Variants in EPB41 observed in about 807,000 individuals in gnomAD.
EPB41 encodes protein 4.1.
A neutral mutation model predicts 108.0 loss-of-function variants in EPB41; 65 were observed. The ratio of observed to expected loss-of-function variants is 0.60; its 90% CI spans 0.49 to 0.74. The LOEUF (loss-of-function observed/expected upper bound fraction) is 0.74. EPB41 is among the 30% of genes least tolerant of loss of function. The pLI, the probability that EPB41 is intolerant of heterozygous loss-of-function variation, is 0.00. For missense variants in EPB41, 875 were observed against 1,037.0 expected (o/e 0.84, Z 2.15); for synonymous variants, 336 against 358.9 (o/e 0.94, Z 0.72).
chr1:29,062,099 G>A (rs768072790), intron 15 of EPB41, among the ~76,000 whole-genome samples: 2 of 152,058 alleles, frequency 1.3e-5, no homozygotes, highest in African/African-American at 2.4e-5. Context: ...GAAGTTTTTC[G>A]AGGCTGGACC....
chr1:29,080,935 C>A (rs1376891825), intron 16 of EPB41, among the ~76,000 whole-genome samples: 2 of 152,112 alleles, frequency 1.3e-5, no homozygotes, highest in Non-Finnish European at 2.9e-5. Context: ...ATTCTGGTTG[C>A]TACTAATCAT....
intron 1 of EPB41, among the ~76,000 whole-genome samples, chr1:28,894,012 C>T (rs1169862384): frequency 6.6e-6 from 1 of 152,178 alleles, no homozygotes; most frequent in African/African-American, 2.4e-5. Context: ...CAATTAAACA[C>T]ACTGGGTGCT....
chr1:29,015,864 C>T, intron 6 of EPB41, 97 bp downstream of exon 6: 1 of 832,256 alleles, frequency 1.2e-6, no homozygotes, highest in South Asian at 1.5e-5. Flanking sequence ...ATTCCGTATT[C>T]AGAACTGAAG....
intron 7 of EPB41, among the ~76,000 whole-genome samples, chr1:29,027,251 C>G (rs181154708): frequency 6.6e-6 from 1 of 152,286 alleles, no homozygotes; most frequent in South Asian, 2.1e-4. Context: ...CTACCTGCCT[C>G]AGCCTCCCAA....
intron 4 of EPB41, among the ~76,000 whole-genome samples, chr1:29,007,246 A>G (rs1176022568): frequency 2.0e-5 from 3 of 151,952 alleles, no homozygotes; most frequent in African/African-American, 4.8e-5. Flanking sequence ...ATAATATTTC[A>G]TTGCTTGACT....
At chr1:29,072,093 T>C (rs1328162441) in intron 16 of EPB41, 1 of 152,220 alleles carries the variant, frequency 6.6e-6, no homozygotes, top group African/African-American at 2.4e-5. Context: ...ATTATAGGCT[T>C]TCCCAAGAAA....
At chr1:28,997,719 A>G (rs2096213606) in intron 4 of EPB41, among the ~76,000 whole-genome samples, 3 of 151,918 alleles carry the variant, frequency 2.0e-5, no homozygotes, top group Admixed American at 2.0e-4. Flanking sequence ...TATCATAATT[A>G]AATATAATTA....
intron 16 of EPB41, among the ~76,000 whole-genome samples, chr1:29,093,787 C>T (rs1037435254): frequency 1.3e-5 from 2 of 152,178 alleles, no homozygotes; most frequent in African/African-American, 4.8e-5. Context: ...CACCTGTAGT[C>T]TCAGCTACTC....
At chr1:29,021,866 G>A (rs1163451267) in intron 7 of EPB41, among the ~76,000 whole-genome samples, 1 of 152,194 alleles carries the variant, frequency 6.6e-6, no homozygotes, top group Non-Finnish European at 1.5e-5. Flanking sequence ...ACAGGCATGA[G>A]CCATCGCGCC....
intron 16 of EPB41, among the ~76,000 whole-genome samples, chr1:29,085,187 G>A (rs371380705): frequency 7.1e-6 from 1 of 139,926 alleles, no homozygotes; most frequent in African/African-American, 2.7e-5. Context: ...TCAGTTGCCA[G>A]GCTGGAGTGC....
intron 1 of EPB41, among the ~76,000 whole-genome samples, chr1:28,986,568 C>T (rs952026342): frequency 5.3e-5 from 8 of 152,116 alleles, no homozygotes; most frequent in African/African-American, 1.9e-4. Flanking sequence ...TCACTTCCTA[C>T]TCTTAAAAAT....
At chr1:28,988,608 C>T (rs2095928598) in intron 2 of EPB41, among the ~76,000 whole-genome samples, 1 of 152,168 alleles carries the variant, frequency 6.6e-6, no homozygotes, top group East Asian at 1.9e-4. Context: ...AATCTGTCCA[C>T]CTCAGCCTCC....
At chr1:28,898,243 G>C (rs1487655669) in intron 1 of EPB41, among the ~76,000 whole-genome samples, 1 of 152,112 alleles carries the variant, frequency 6.6e-6, no homozygotes, top group African/African-American at 2.4e-5. Context: ...ACAACTGCCT[G>C]TTCTGCTCAG....
intron 9 of EPB41, among the ~76,000 whole-genome samples, chr1:29,035,138 T>C (rs984532328): frequency 2.0e-5 from 3 of 151,888 alleles, no homozygotes; most frequent in African/African-American, 4.8e-5. Flanking sequence ...CGTGCCACCA[T>C]GCCCGGCTAA....
intron 11 of EPB41, among the ~76,000 whole-genome samples, chr1:29,051,752 G>C (rs1472318778): frequency 1.3e-5 from 2 of 152,022 alleles, no homozygotes; most frequent in Non-Finnish European, 2.9e-5. Flanking sequence ...CAAAAAATTA[G>C]CCAGGCATGG....
At chr1:29,069,106 T>C (rs1649964044) in intron 16 of EPB41, 1 of 1,181,638 alleles carries the variant, frequency 8.5e-7, no homozygotes. Context: ...TTTATTTTCT[T>C]TCAAAAATCA....
chr1:28,969,757 C>T (rs1229320361), intron 1 of EPB41, among the ~76,000 whole-genome samples: 10 of 152,028 alleles, frequency 6.6e-5, no homozygotes, highest in South Asian at 4.1e-4. Flanking sequence ...AAAAATTAGC[C>T]GGGCGTGGCG....
chr1:29,028,519 A>G (rs1248216228), intron 7 of EPB41, among the ~76,000 whole-genome samples: 1 of 152,196 alleles, frequency 6.6e-6, no homozygotes, highest in Non-Finnish European at 1.5e-5. Context: ...ACGCATTATT[A>G]TGATTCTCGT....
chr1:28,988,020 T>C (rs1572000194), intron 2 of EPB41, 115 bp downstream of exon 2: 13 of 1,127,642 alleles, frequency 1.2e-5, no homozygotes, highest in Non-Finnish European at 1.7e-5. Flanking sequence ...TCCACCACTT[T>C]GGGAGGCCGA....
Sources: gnomAD v4.1 joint callset for allele counts (sites outside exome capture counted in the v4.1 genomes callset) on GRCh38, gnomAD v4.1.1 for gene constraint, MANE v1.5 for transcripts, NCBI Gene and HGNC (gene_info 2026-07-23, HGNC 2026-07-21) for gene names.